The following DOCK7 variants were observed in gnomAD, a reference collection of about 807,000 sequenced individuals.
DOCK7 encodes dedicator of cytokinesis 7.
A neutral mutation model predicts 271.0 loss-of-function variants in DOCK7; 138 were observed. The observed-to-expected ratio is 0.51, with a 90% CI of 0.44 to 0.59. DOCK7 has a LOEUF of 0.59. Ranked by LOEUF, DOCK7 falls within the 20% of genes least tolerant of loss-of-function variation. The pLI is 0.00. For missense variants in DOCK7, 2,066 were observed against 2,592.4 expected, an observed-to-expected ratio of 0.80 and a Z score of 4.41; for synonymous variants, 823 against 876.1, an observed-to-expected ratio of 0.94 and a Z score of 1.07.
intron 1 of DOCK7, among the ~76,000 whole-genome samples, chr1:62,686,669 C>A (rs551275844): frequency 7.9e-5 from 12 of 152,210 alleles, no homozygotes; most frequent in African/African-American, 2.6e-4. Context: ...ACTTAATGTT[C>A]ACAACAACAC....
chr1:62,601,597 T>C (rs1459398952), intron 14 of DOCK7, among the ~76,000 whole-genome samples: 1 of 151,684 alleles, frequency 6.6e-6, no homozygotes, highest in Non-Finnish European at 1.5e-5. Context: ...TTTGGTAAGA[T>C]GATTCTTACA....
chr1:62,515,829 C>G (rs1644646204), intron 31 of DOCK7, among the ~76,000 whole-genome samples: 1 of 152,140 alleles, frequency 6.6e-6, no homozygotes, highest in African/African-American at 2.4e-5. Context: ...CAGATATCTG[C>G]AGTTACTAAA....
rs756634660 is a variant in DOCK7 at position 62,654,044 on chromosome 1, A to G, written c.260T>C (p.Ile87Thr). 1.2e-6 allele frequency: 2 copies of G among 1,614,006 alleles called. No homozygotes were observed. Among genetic ancestry groups the G allele is most frequent in the South Asian group, 1.1e-5 (1 of 91,066 alleles). ...GTCCCGAGGACTATAAACAACTTCAATATCATCTGGAGGAAATTCAATCAA... is the reference window on the plus strand; with the variant it reads ...GTCCCGAGGACTATAAACAACTTCAGTATCATCTGGAGGAAATTCAATCAA... ...RDLIEFPPDD[I>T]EVVYSPRDCR... is the part of the protein sequence containing the mutation. Residue 87 changes from isoleucine (I) to threonine (T), a missense_variant, in exon 3 of 50, where the codon ATT becomes ACT. Physicochemically the swap from Ile to Thr is moderately conservative, Grantham distance 89. This residue lies in a region of DOCK7 where 1,414 missense variants were observed against 1,670.4 expected (regional missense o/e 0.85). Coordinates refer to ENST00000635253, the MANE Select transcript of DOCK7 (RefSeq NM_001367561.1).
intron 29 of DOCK7, chr1:62,530,845 T>G (rs957731726): frequency 1.3e-5 from 2 of 152,778 alleles, no homozygotes; most frequent in Non-Finnish European, 2.9e-5. Flanking sequence ...CCACAAAACA[T>G]GCTGTGCCCC....
At chr1:62,503,335 GATT>G (rs1217987626) in intron 37 of DOCK7, among the ~76,000 whole-genome samples, 1 of 151,724 alleles carries the variant, frequency 6.6e-6, no homozygotes, top group Non-Finnish European at 1.5e-5. Flanking sequence ...CATAAAAATG[GATT>G]ATATTTAGAC....
intron 31 of DOCK7, among the ~76,000 whole-genome samples, chr1:62,515,933 G>A (rs1644649761): frequency 6.6e-6 from 1 of 152,136 alleles, no homozygotes; most frequent in East Asian, 1.9e-4. Flanking sequence ...ATGCATATCT[G>A]AAAATCTGAT....
At chr1:62,684,164 G>A (rs187528320) in intron 1 of DOCK7, among the ~76,000 whole-genome samples, 2 of 151,152 alleles carry the variant, frequency 1.3e-5, no homozygotes, top group Admixed American at 6.6e-5. Context: ...GCAGTGAGCC[G>A]ATTGCGCCAC....
At chr1:62,646,591 T>G (rs887003577) in intron 7 of DOCK7, among the ~76,000 whole-genome samples, 1 of 152,198 alleles carries the variant, frequency 6.6e-6, no homozygotes, top group Non-Finnish European at 1.5e-5. Flanking sequence ...AAAAGTCATG[T>G]GAGAATGCAG....
intron 18 of DOCK7, among the ~76,000 whole-genome samples, chr1:62,576,111 A>C (rs975764903): frequency 1.3e-5 from 2 of 152,216 alleles, no homozygotes; most frequent in African/African-American, 4.8e-5. Context: ...TGATGTGCCA[A>C]GTACTGTTCT....
intron 14 of DOCK7, among the ~76,000 whole-genome samples, chr1:62,602,099 T>C (rs1016095138): frequency 1.3e-5 from 2 of 151,842 alleles, no homozygotes; most frequent in East Asian, 1.9e-4. Flanking sequence ...AAGTTTACTA[T>C]GCCAAAATTC....
rs151232800 is a variant in DOCK7 at position 62,491,860 on chromosome 1, T to C, written c.5361+844A>G. On this transcript the variant is annotated intron_variant, in intron 41 of 49. Transcript: ENST00000635253. ...AAAATGTTTGGCAGTAACAGTTTTA[T>C]TAACCAAAAAAAATCTGCTACAAAT... Among the ~76,000 whole-genome samples, 123 of 152,310 alleles carry C rather than the reference T, an allele frequency of 8.1e-4. 1 individual carries two copies. Among genetic ancestry groups the C allele is most frequent in the African/African-American group, 2.8e-3 (115 of 41,572 alleles).
chr1:62,638,607 TTTTTCATGAATATATA>T lies in DOCK7; in HGVS notation c.819-2020_819-2005del, dbSNP rs1202680768. Among the ~76,000 whole-genome samples, 38 of 148,022 alleles carry T rather than the reference TTTTTCATGAATATATA, an allele frequency of 2.6e-4. 1 individual carries two copies. The East Asian group carries it at 5.5e-3, about 21-fold the overall frequency. ...AATATATATTTTCATGAATATATAT[TTTTTCATGAATATATA>T]TTTTCATGAATATATATATTTTTTC... On this transcript the variant is annotated intron_variant, in intron 7 of 49. Transcript: ENST00000635253.
At chr1:62,527,038 C>T (rs1050548423) in intron 31 of DOCK7, among the ~76,000 whole-genome samples, 7 of 152,102 alleles carry the variant, frequency 4.6e-5, no homozygotes, top group African/African-American at 1.7e-4. Flanking sequence ...GGTATATATA[C>T]TCACAATAGG....
intron 1 of DOCK7, among the ~76,000 whole-genome samples, chr1:62,668,503 T>C (rs1659568576): frequency 2.0e-5 from 3 of 152,222 alleles, no homozygotes; most frequent in African/African-American, 7.2e-5. Context: ...TAGGGTTTTT[T>C]TAAAATGTTT....
At chr1:62,645,364 G>A (rs747175174) in intron 7 of DOCK7, among the ~76,000 whole-genome samples, 4 of 151,422 alleles carry the variant, frequency 2.6e-5, no homozygotes, top group South Asian at 2.1e-4. Flanking sequence ...TGGTAGTACT[G>A]ACACATGTTA....
chr1:62,493,354 C>T lies in DOCK7; in HGVS notation c.5218-507G>A, dbSNP rs1169476925. On this transcript the variant is annotated intron_variant, in intron 40 of 49. Transcript: ENST00000635253. ...ATACCCTATTTTATTTTAACCTAAA[C>T]ATTTACAGTAGATGTACACTCATTC... Among the ~76,000 whole-genome samples, 4 of 152,128 alleles carry T rather than the reference C, an allele frequency of 2.6e-5. No homozygotes were observed. The East Asian group carries it at 7.7e-4, about 29-fold the overall frequency.
At chr1:62,488,224 G>A (rs1054184050) in intron 42 of DOCK7, 1 of 152,442 alleles carries the variant, frequency 6.6e-6, no homozygotes, top group Non-Finnish European at 1.5e-5. Context: ...GAGGAGACTC[G>A]ATAGGATATT....
intron 8 of DOCK7, among the ~76,000 whole-genome samples, 174 bp downstream of exon 8, chr1:62,636,363 A>G (rs576360783): frequency 6.2e-4 from 94 of 152,336 alleles, no homozygotes; most frequent in Middle Eastern, 3.4e-3. Flanking sequence ...CCTGTTTTCA[A>G]TTACAGTAAT....
At chr1:62,496,962 T>G (rs1646641749) in intron 37 of DOCK7, among the ~76,000 whole-genome samples, 1 of 152,162 alleles carries the variant, frequency 6.6e-6, no homozygotes, top group African/African-American at 2.4e-5. Flanking sequence ...AGTGATGCCT[T>G]TAACAGTTTA....
Sources: gnomAD v4.1 joint callset for allele counts (sites outside exome capture counted in the v4.1 genomes callset) on GRCh38, gnomAD v4.1.1 for gene constraint, gnomAD v4.1.1 regional missense constraint, MANE v1.5 for transcripts, NCBI Gene and HGNC (gene_info 2026-07-23, HGNC 2026-07-21) for gene names.